Variants in ASB2 observed in about 807,000 individuals in gnomAD.
ASB2 encodes ankyrin repeat and SOCS box protein 2.
A neutral mutation model predicts 62.4 loss-of-function variants in ASB2; 58 were observed. The ratio of observed to expected loss-of-function variants is 0.93; its 90% CI spans 0.75 to 1.16. ASB2 has a LOEUF of 1.16. Ranked by LOEUF, ASB2 falls within the 50% of genes most tolerant of loss-of-function variation. The probability of loss-of-function intolerance (pLI) is 0.00; values close to 1 mark genes in which losing one functional copy is unlikely to be tolerated. For missense variants in ASB2, 928 were observed against 887.9 expected (o/e 1.05, Z -0.57); for synonymous variants, 386 against 385.3 (o/e 1.00, Z -0.02).
chr14:93,944,942 T>A (rs954522451), intron 7 of ASB2, among the ~76,000 whole-genome samples: 1 of 152,208 alleles, frequency 6.6e-6, no homozygotes, highest in Middle Eastern at 3.2e-3. Flanking sequence ...GCAGCCCAGA[T>A]GAAGGTCCCA....
intron 7 of ASB2, among the ~76,000 whole-genome samples, chr14:93,944,594 C>T (rs557380278): frequency 1.8e-4 from 27 of 152,302 alleles, no homozygotes; most frequent in African/African-American, 5.3e-4. Context: ...GTGATGAGCT[C>T]GGGGCTTGCT....
intron 4 of ASB2, 118 bp from the exon 5 acceptor site, chr14:93,953,625 C>T (rs886909439): frequency 3.3e-6 from 3 of 915,050 alleles, no homozygotes; most frequent in Non-Finnish European, 3.1e-6. Context: ...CTGAAATTTA[C>T]CAACTACAGA....
intron 2 of ASB2, chr14:93,957,079 G>T: frequency 6.9e-7 from 1 of 1,444,690 alleles, no homozygotes; most frequent in Non-Finnish European, 9.1e-7. Context: ...CTTGGAGGAA[G>T]CCCTGGGAGA....
intron 7 of ASB2, among the ~76,000 whole-genome samples, chr14:93,946,799 T>C (rs1156386591): frequency 1.3e-5 from 2 of 152,260 alleles, no homozygotes; most frequent in Admixed American, 6.5e-5. Context: ...GTTCTTATCA[T>C]TGGTGCTATT....
intron 2 of ASB2, among the ~76,000 whole-genome samples, chr14:93,963,808 G>A (rs1010517129): frequency 1.3e-5 from 2 of 152,128 alleles, no homozygotes; most frequent in African/African-American, 2.4e-5. Context: ...AATTGCATCC[G>A]TGCATTGCAG....
intron 2 of ASB2, among the ~76,000 whole-genome samples, chr14:93,961,063 A>G (rs1402010249): frequency 2.0e-5 from 3 of 152,204 alleles, no homozygotes; most frequent in African/African-American, 7.2e-5. Context: ...TGTCCCAGGA[A>G]GACCCAAGAA....
rs141592066 is a variant in ASB2, at chr14:93,973,439, G to A, written c.-74+2995C>T. On this transcript the variant is annotated intron_variant, in intron 1 of 9. Transcript: ENST00000555019. Reference sequence around the variant, plus strand: ...AAGAGAGGGAAGAAGGAAAAACACAGGAAAAACCTCCCTGTAGAAGGTTTT... The same window carrying A: ...AAGAGAGGGAAGAAGGAAAAACACAAGAAAAACCTCCCTGTAGAAGGTTTT... Among the ~76,000 whole-genome samples the A allele has an allele frequency of 2.9e-3, 435 of 152,284 alleles. 1 individual carries two copies. Among genetic ancestry groups the A allele is most frequent in the African/African-American group, 0.01 (422 of 41,554 alleles).
intron 1 of ASB2, 74 bp from the exon 2 acceptor site, chr14:93,964,686 A>G (rs1194617243): frequency 5.6e-6 from 4 of 708,078 alleles, no homozygotes; most frequent in Non-Finnish European, 9.7e-6. Context: ...AGGGAAGGGT[A>G]TGCATTTCAC....
intron 6 of ASB2, among the ~76,000 whole-genome samples, chr14:93,947,846 T>C (rs1276206205): frequency 6.6e-6 from 1 of 151,274 alleles, no homozygotes; most frequent in African/African-American, 2.4e-5. Flanking sequence ...ATACAAAAAT[T>C]AGCTGGGCAT....
chr14:93,938,365 G>C (rs920639566), intron 8 of ASB2, among the ~76,000 whole-genome samples: 6 of 147,432 alleles, frequency 4.1e-5, no homozygotes, highest in African/African-American at 1.3e-4. Flanking sequence ...TTAGCCTCCC[G>C]AGCACCTGGG....
intron 2 of ASB2, 131 bp from the exon 3 acceptor site, chr14:93,957,001 A>T: frequency 6.5e-7 from 1 of 1,544,512 alleles, no homozygotes; most frequent in Non-Finnish European, 8.7e-7. Flanking sequence ...AGGGCTCTGA[A>T]CCAAAGCAGA....
Position 93,937,828 on chromosome 14 carries a change from TG to T in ASB2, c.1640del (p.Pro547GlnfsTer3). 1 of 1,603,572 alleles carries T rather than the reference TG, an allele frequency of 6.2e-7. No individual in the cohort carries two copies. The highest frequency in any genetic ancestry group is 2.2e-5 in the East Asian group (1 of 44,512). On this transcript the variant is annotated frameshift_variant, in exon 9 of 10. Coordinates refer to ENST00000555019, the MANE Select transcript of ASB2 (RefSeq NM_001202429.2). LOFTEE classifies it high-confidence loss of function. Reference protein sequence around the residue: ...VVQFCEFVSAPEVSRWAGPII... With the variant: ...VVQFCEFVSAXEVSRWAGPII... The stretch of plus-strand genomic sequence containing the variant: ...TGGGCCCCGCCCAGCGGCTCACCTC[TG>T]GGGCAGATACGAACTCACAGAACTG...
chr14:93,952,172 G>A (rs1277669489), intron 5 of ASB2, among the ~76,000 whole-genome samples: 1 of 152,236 alleles, frequency 6.6e-6, no homozygotes, highest in Non-Finnish European at 1.5e-5. Flanking sequence ...TTTCTCATCT[G>A]TAAAATGGAG....
intron 9 of ASB2, among the ~76,000 whole-genome samples, chr14:93,935,011 A>C (rs1372685500): frequency 6.6e-6 from 1 of 152,154 alleles, no homozygotes; most frequent in Non-Finnish European, 1.5e-5. Context: ...CACGCAGTGC[A>C]CAGCGTGGTT....
chr14:93,972,675 C>T (rs1170810987), intron 1 of ASB2, among the ~76,000 whole-genome samples: 1 of 152,342 alleles, frequency 6.6e-6, no homozygotes, highest in East Asian at 1.9e-4. Flanking sequence ...CCTCTGGAGG[C>T]TTCATCTCTG....
At chr14:93,964,769 A>ATCCT (rs60793742) in intron 1 of ASB2, among the ~76,000 whole-genome samples, 157 bp from the exon 2 acceptor site, 7 of 21,890 alleles carry the variant, frequency 3.2e-4, no homozygotes, top group African/African-American at 9.1e-4. Flanking sequence ...CCATCTATAT[A>ATCCT]TCCATCCATC....
rs753758396 is a variant in ASB2, at chr14:93,934,332, T to C, written c.*324A>G. ...AAGTGGAGGGGCACAGGGAAGGCTC[T>C]GAGCACCACCTTCCCCAGAACACCT... is the stretch of plus-strand genomic sequence containing the variant. On this transcript the variant is annotated 3_prime_UTR_variant, in exon 10 of 10. Transcript: ENST00000555019. 1 of 450,276 alleles carries C rather than the reference T, an allele frequency of 2.2e-6. No individual in the cohort carries two copies. The highest frequency in any genetic ancestry group is 1.8e-5 in the South Asian group (1 of 55,722). The allele number at this position is 450,276 out of a possible 1,614,324, so 27.9% of individuals were successfully genotyped here. A position where few individuals can be genotyped will look rare whatever the true frequency, so the allele number is the denominator to read the frequency against.
At chr14:93,967,932 T>C (rs931763325) in intron 1 of ASB2, among the ~76,000 whole-genome samples, 3 of 152,126 alleles carry the variant, frequency 2.0e-5, no homozygotes, top group African/African-American at 4.8e-5. Context: ...CCTTTATTAA[T>C]AAAAATGGGA....
rs764009020 is a variant in ASB2 at position 93,934,801 on chromosome 14, A to G, written c.1772-9T>C. On this transcript the variant is annotated splice_polypyrimidine_tract_variant and intron_variant, in intron 9 of 9. Coordinates refer to ENST00000555019, the MANE Select transcript of ASB2 (RefSeq NM_001202429.2). ...CAGAGGTCTTGGAGGTTCTGAAAAA[A>G]GGAGGGAAAGACAGAGGCTGATTTG... is the stretch of plus-strand genomic sequence containing the variant. 7 of 1,611,074 alleles carry G rather than the reference A, an allele frequency of 4.3e-6. No homozygotes were observed. In the East Asian group the frequency reaches 1.6e-4, roughly 36 times the overall value.
Sources: gnomAD v4.1 joint callset for allele counts (sites outside exome capture counted in the v4.1 genomes callset) on GRCh38, gnomAD v4.1.1 for gene constraint, MANE v1.5 for transcripts, NCBI Gene and HGNC (gene_info 2026-07-23, HGNC 2026-07-21) for gene names.